Variants in ZNF536 observed in about 807,000 individuals in gnomAD.
ZNF536 encodes zinc finger protein 536.
ZNF536 carries 13 observed loss-of-function variants against 84.5 expected under a neutral mutation model. That is an observed-to-expected ratio of 0.15 (90% CI 0.10 to 0.24). The LOEUF is 0.24. Among genes scored for constraint, ZNF536 ranks in the 10% least tolerant of loss-of-function variants. The pLI is 1.00. For synonymous variants in ZNF536, 811 were observed against 742.5 expected (o/e 1.09, Z -1.50); for missense variants, 1,536 against 1,747.5 (o/e 0.88, Z 2.16).
intron 1 of ZNF536, among the ~76,000 whole-genome samples, chr19:30,383,326 C>T (rs974394682): frequency 2.6e-5 from 4 of 152,024 alleles, no homozygotes; most frequent in African/African-American, 9.7e-5. Context: ...AAAACAAATG[C>T]AACTCAGGTT....
chr19:30,681,784 A>T lies in ZNF536; in HGVS notation c.170-28973A>T, dbSNP rs191272195. 2.0e-5 allele frequency among the ~76,000 whole-genome samples: 3 copies of T among 152,332 alleles called. No homozygotes were observed. The East Asian group carries it at 5.8e-4, about 29-fold the overall frequency. ...GAAGTGGCTCCAGTCCTCCAGGTCC[A>T]GTTCCACCCTCTGGTCTCTGGGTAG... is the stretch of plus-strand genomic sequence containing the variant. On this transcript the variant is annotated intron_variant, in intron 1 of 1. Coordinates refer to the ZNF536 transcript ENST00000592773.
chr19:30,445,482 C>T lies in ZNF536; in HGVS notation c.1920C>T (p.Phe640=), dbSNP rs1197677835. 6.2e-7 allele frequency: 1 copy of T among 1,614,090 alleles called. No homozygotes were observed. The highest frequency in any genetic ancestry group is 8.5e-7 in the Non-Finnish European group (1 of 1,180,030). The change falls in exon 2 of 5, where the codon TTC becomes TTT. Residue 640 remains phenylalanine, a synonymous_variant. Transcript: ENST00000355537. The surrounding 1 kb of genome is among the most constrained non-coding windows in gnomAD (Gnocchi z 4.5). ...AGTGCCCCGACTGCGGCCGGGTGTT[C>T]CGCACTTACCACCAGGTGGTCGTGC... ...PTECPDCGRV[F]RTYHQVVVHS... is the part of the protein sequence containing the mutation.
At chr19:30,712,403 C>A (rs1268917830) in exon 2 of ZNF536, 3 of 149,826 alleles carry the variant, frequency 2.0e-5, no homozygotes, top group African/African-American at 7.4e-5. Context: ...GTATTAACTT[C>A]TTCTAAAACA....
intron 2 of ZNF536, among the ~76,000 whole-genome samples, chr19:30,285,941 G>A (rs1270942916): frequency 6.6e-6 from 1 of 152,248 alleles, no homozygotes; most frequent in Non-Finnish European, 1.5e-5. Context: ...TTTTTGGCAT[G>A]TCGGGGAATT....
chr19:30,236,155 G>T (rs569045131), intron 1 of ZNF536, among the ~76,000 whole-genome samples: 2 of 152,208 alleles, frequency 1.3e-5, no homozygotes, highest in African/African-American at 4.8e-5. Context: ...TTTAATCTGC[G>T]CAGCCGAAAC....
intron 2 of ZNF536, among the ~76,000 whole-genome samples, chr19:30,486,859 CTT>C (rs1366583424): frequency 1.8e-4 from 27 of 152,304 alleles, no homozygotes; most frequent in African/African-American, 5.5e-4. Flanking sequence ...CAAACATTTC[CTT>C]GGCTCAGATA....
At chr19:30,599,321 T>G (rs1286237994) in intron 1 of ZNF536, among the ~76,000 whole-genome samples, 2 of 122,578 alleles carry the variant, frequency 1.6e-5, no homozygotes, top group Non-Finnish European at 3.4e-5. Context: ...TCCTTCCTCC[T>G]TTCCTTCTTT....
At chr19:30,261,166 C>T (rs1252302211) in intron 1 of ZNF536, among the ~76,000 whole-genome samples, 1 of 149,868 alleles carries the variant, frequency 6.7e-6, no homozygotes, top group African/African-American at 2.4e-5. Flanking sequence ...GGCGTAGTGG[C>T]GGGCGCCTGT....
intron 2 of ZNF536, among the ~76,000 whole-genome samples, chr19:30,311,654 A>G (rs976399551): frequency 7.3e-5 from 11 of 151,378 alleles, no homozygotes; most frequent in African/African-American, 2.7e-4. Context: ...CCACTCTCTC[A>G]TTCCCCAGCC....
At chr19:30,560,463 C>A (rs550665630), downstream of ZNF536, among the ~76,000 whole-genome samples, 81 of 152,324 alleles carry the variant, frequency 5.3e-4, no homozygotes, top group African/African-American at 1.8e-3. Flanking sequence ...GGGATTATAA[C>A]AAACCCCACC....
intron 2 of ZNF536, among the ~76,000 whole-genome samples, chr19:30,447,508 A>T (rs1352068912): frequency 3.9e-5 from 6 of 152,108 alleles, no homozygotes. Flanking sequence ...CTTGTTTGGG[A>T]TTTATTACGG....
intron 2 of ZNF536, among the ~76,000 whole-genome samples, chr19:30,340,853 CAG>C (rs142893215): frequency 1.1e-4 from 17 of 149,920 alleles, no homozygotes; most frequent in Non-Finnish European, 8.9e-5. Context: ...GTGAGCCTCT[CAG>C]AGAGAGAGAG....
rs201256892 is a variant in ZNF536, at chr19:30,549,077, C to A, written c.3458C>A (p.Thr1153Lys). 6.2e-7 allele frequency: 1 copy of A among 1,614,170 alleles called. No individual in the cohort carries two copies. The highest frequency in any genetic ancestry group is 1.7e-5 in the Admixed American group (1 of 60,028). The change falls in exon 4 of 5, where the codon ACG (threonine) becomes AAG (lysine). Residue 1153 changes from threonine to lysine, a missense_variant. Physicochemically the swap from Thr to Lys is moderately conservative, Grantham distance 78. Coordinates refer to ENST00000355537, the MANE Select transcript of ZNF536 (RefSeq NM_014717.3). ...EDVPILIPET[T>K]SKNTTDDLSD... ...GTCCCCATCCTGATCCCCGAAACCA[C>A]GAGTAAGAACACTACTGATGACCTC... is the stretch of plus-strand genomic sequence containing the variant.
chr19:30,697,730 AG>A (rs951072590), intron 1 of ZNF536, among the ~76,000 whole-genome samples: 2 of 152,222 alleles, frequency 1.3e-5, no homozygotes, highest in Admixed American at 6.5e-5. Flanking sequence ...GCATGCTAGC[AG>A]GGCAGTGGCG....
intron 1 of ZNF536, among the ~76,000 whole-genome samples, chr19:30,598,116 G>A (rs1179043043): frequency 2.0e-5 from 3 of 152,238 alleles, no homozygotes; most frequent in East Asian, 3.9e-4. Flanking sequence ...GAAATATCCC[G>A]CCAGCTTCTT....
At chr19:30,418,231 T>C (rs1056644344) in intron 1 of ZNF536, among the ~76,000 whole-genome samples, 1 of 152,164 alleles carries the variant, frequency 6.6e-6, no homozygotes, top group African/African-American at 2.4e-5. Context: ...TCATCATTTT[T>C]GACATTGATG....
intron 1 of ZNF536, among the ~76,000 whole-genome samples, chr19:30,598,815 AG>A (rs922015226): frequency 2.0e-5 from 3 of 152,152 alleles, no homozygotes; most frequent in Non-Finnish European, 4.4e-5. Flanking sequence ...TTAGTTTACT[AG>A]TCAATTTCTT....
chr19:30,446,884 C>G (rs937196455), intron 2 of ZNF536, among the ~76,000 whole-genome samples: 33 of 151,928 alleles, frequency 2.2e-4, no homozygotes, highest in Non-Finnish European at 3.8e-4. Flanking sequence ...CACCACCTAA[C>G]AGCAGGTAAG....
At chr19:30,253,458 G>C (rs886656528) in intron 1 of ZNF536, among the ~76,000 whole-genome samples, 2 of 152,222 alleles carry the variant, frequency 1.3e-5, no homozygotes, top group Admixed American at 6.5e-5. Flanking sequence ...CGGGGCCAGA[G>C]ACACGCGTTC....
Sources: gnomAD v4.1 joint callset for allele counts (sites outside exome capture counted in the v4.1 genomes callset) on GRCh38, gnomAD v4.1.1 for gene constraint, Gnocchi (gnomAD v3.1) non-coding constraint, MANE v1.5 for transcripts, NCBI Gene and HGNC (gene_info 2026-07-23, HGNC 2026-07-21) for gene names.